The following VAV2 variants were observed in gnomAD, a reference collection of about 807,000 sequenced individuals.
VAV2 encodes the protein vav guanine nucleotide exchange factor 2, also known as guanine nucleotide exchange factor VAV2.
Under a neutral mutation model 132.5 loss-of-function variants are expected in VAV2, and 67 were observed. The observed-to-expected ratio is 0.51, with a 90% CI of 0.42 to 0.62. The LOEUF (loss-of-function observed/expected upper bound fraction) is 0.62. Ranked by LOEUF, VAV2 falls within the 20% of genes least tolerant of loss-of-function variation. The pLI, the probability that VAV2 is intolerant of heterozygous loss-of-function variation, is 0.00. For missense variants in VAV2, 938 were observed against 1,153.6 expected, an observed-to-expected ratio of 0.81 and a Z score of 2.71; for synonymous variants, 492 against 443.5, an observed-to-expected ratio of 1.11 and a Z score of -1.37.
At position 133,969,129 on chromosome 9, in the gene VAV2, T is replaced by C. The variant is rs1424681837; in HGVS notation, c.204+22946A>G. 6.7e-6 allele frequency among the ~76,000 whole-genome samples: 1 copy of C among 148,450 alleles called. No individual in the cohort carries two copies. Among genetic ancestry groups the C allele is most frequent in the Non-Finnish European group, 1.5e-5 (1 of 67,688 alleles). On this transcript the variant is annotated intron_variant, in intron 1 of 29. Coordinates refer to ENST00000371850, the MANE Select transcript of VAV2 (RefSeq NM_001134398.2). The surrounding 1 kb of genome is among the most constrained non-coding windows in gnomAD (Gnocchi z 5.1). ...AATCCCACATGCCGGGATTCACACT[T>C]CCCCCGAGAGCTGGATTCCACCGTG... is the stretch of plus-strand genomic sequence containing the variant.
intron 3 of VAV2, among the ~76,000 whole-genome samples, chr9:133,853,321 G>A (rs1185804836): frequency 6.6e-6 from 1 of 152,116 alleles, no homozygotes; most frequent in African/African-American, 2.4e-5. Context: ...GAGGGTCCTC[G>A]GCCAAGAGAG....
Position 133,883,552 on chromosome 9 carries a change from A to C in VAV2, c.322-22120T>G, listed in dbSNP as rs995101867. Reference sequence around the variant, plus strand: ...CAAGTCATCCCCAGCCACGGCAGGCAGACAGCCCAGCAGAGACTCCCAAGT... The same window carrying C: ...CAAGTCATCCCCAGCCACGGCAGGCCGACAGCCCAGCAGAGACTCCCAAGT... On this transcript the variant is annotated intron_variant, in intron 2 of 29. Coordinates refer to ENST00000371850, the MANE Select transcript of VAV2 (RefSeq NM_001134398.2). This position sits in a 1 kb window ranked among gnomAD's most constrained non-coding sequence, Gnocchi z 4.2. Among the ~76,000 whole-genome samples the C allele has an allele frequency of 6.6e-6, 1 of 152,194 alleles. No individual in the cohort carries two copies. The highest frequency in any genetic ancestry group is 6.5e-5 in the Admixed American group (1 of 15,282).
At chr9:133,839,067 A>G (rs76593387) in intron 3 of VAV2, among the ~76,000 whole-genome samples, 16,127 of 145,880 alleles carry the variant, frequency 0.11, 2,239 homozygotes, top group African/African-American at 0.34. Context: ...TGGATGGGCG[A>G]GTGGTTGGAT....
rs1840474013 is a variant in VAV2, at chr9:133,926,141, A to T, written c.321+12962T>A. 6.6e-6 allele frequency: 1 copy of T among 152,262 alleles called. No individual in the cohort carries two copies. The highest frequency in any genetic ancestry group is 2.1e-4 in the South Asian group (1 of 4,832). 9.4% of individuals were successfully genotyped at this position (152,262 alleles called of 1,614,324 possible). On this transcript the variant is annotated intron_variant, in intron 2 of 29. Coordinates refer to ENST00000371850, the MANE Select transcript of VAV2 (RefSeq NM_001134398.2). This position sits in a 1 kb window ranked among gnomAD's most constrained non-coding sequence, Gnocchi z 4.3. ...GACCCACCCAAGAGGTCATCCAGCC[A>T]GTCCAACCAAATGGATTGATTCCCA...
At chr9:133,887,715 A>C (rs1199344393) in intron 2 of VAV2, among the ~76,000 whole-genome samples, 1 of 152,082 alleles carries the variant, frequency 6.6e-6, no homozygotes, top group Non-Finnish European at 1.5e-5. Context: ...GCCAGGACAC[A>C]GACCAGAGGG....
chr9:133,943,963 G>A lies in VAV2; in HGVS notation c.205-4744C>T, dbSNP rs185624939. Among the ~76,000 whole-genome samples the A allele has an allele frequency of 4.1e-3, 631 of 152,324 alleles. 6 individuals are homozygous for A. Among genetic ancestry groups the A allele is most frequent in the African/African-American group, 0.014 (600 of 41,562 alleles). On this transcript the variant is annotated intron_variant, in intron 1 of 29. Coordinates refer to ENST00000371850, the MANE Select transcript of VAV2 (RefSeq NM_001134398.2). ...CACTGTCCTTCAGCTCTTGCAAGGC[G>A]CCAGGGCGGGGTGTCACAGACAGGA...
In VAV2 at chr9:133,809,048, T is replaced by C. The variant is rs573725166; in HGVS notation, c.658A>G (p.Ile220Val). ...EAKYYRTLED[I>V]EKNYMSPLRL... The stretch of plus-strand genomic sequence containing the variant: ...CCGCCATCTGCCCTCACCTTCTCAA[T>C]GTCCTCCAGGGTGCGGTAGTACTTG... The change falls in exon 7 of 30, where the codon ATT becomes GTT. Residue 220 changes from isoleucine (I) to valine (V), a missense_variant. By Grantham distance (29) the Ile-to-Val change is conservative. Coordinates refer to ENST00000371850, the MANE Select transcript of VAV2 (RefSeq NM_001134398.2). The C allele has an allele frequency of 1.9e-6, 3 of 1,613,636 alleles. No homozygotes were observed. The East Asian group carries it at 6.7e-5, about 36-fold the overall frequency.
At chr9:133,955,316 C>T (rs1160748734) in intron 1 of VAV2, among the ~76,000 whole-genome samples, 3 of 151,884 alleles carry the variant, frequency 2.0e-5, no homozygotes, top group Non-Finnish European at 4.4e-5. Context: ...ATACCCGATG[C>T]CAAGGCGAGG....
chr9:133,835,477 G>A (rs1836434454), intron 3 of VAV2, among the ~76,000 whole-genome samples: 1 of 152,190 alleles, frequency 6.6e-6, no homozygotes, highest in South Asian at 2.1e-4. Context: ...GCTGCAGCTG[G>A]CTCAACGCTA....
chr9:133,848,267 G>A (rs1357384987), intron 3 of VAV2, among the ~76,000 whole-genome samples: 16 of 99,346 alleles, frequency 1.6e-4, no homozygotes, highest in African/African-American at 5.0e-4. Context: ...GCGACTGAGT[G>A]AGACTCCGTC....
At chr9:133,796,056 G>A (rs984564467) in intron 11 of VAV2, among the ~76,000 whole-genome samples, 5 of 152,176 alleles carry the variant, frequency 3.3e-5, no homozygotes, top group African/African-American at 7.2e-5. Context: ...GCAAGGTGCC[G>A]GGCAGAAACC....
At chr9:133,890,275 C>T (rs182774365) in intron 2 of VAV2, among the ~76,000 whole-genome samples, 2 of 141,716 alleles carry the variant, frequency 1.4e-5, no homozygotes, top group East Asian at 2.1e-4. Context: ...GGCTCCACCG[C>T]GACCACACGG....
At chr9:133,805,947 A>G (rs1429324874) in intron 9 of VAV2, 134 bp downstream of exon 9, 1 of 935,748 alleles carries the variant, frequency 1.1e-6, no homozygotes, top group Non-Finnish European at 1.6e-6. Flanking sequence ...TCAACAAGGG[A>G]GGACGGGGTC....
At position 133,957,912 on chromosome 9, in the gene VAV2, C is replaced by T. The variant is rs484440; in HGVS notation, c.205-18693G>A. Among the ~76,000 whole-genome samples, 10 of 148,710 alleles carry T rather than the reference C, an allele frequency of 6.7e-5. No individual in the cohort carries two copies. The South Asian group carries it at 2.2e-3, about 33-fold the overall frequency. Reference sequence around the variant, plus strand: ...GATTCTGTGACCTTACCCCCAACCCCGTGCTCTCTGAAACATGTGCTGTGT... The same window carrying T: ...GATTCTGTGACCTTACCCCCAACCCTGTGCTCTCTGAAACATGTGCTGTGT... On this transcript the variant is annotated intron_variant, in intron 1 of 29. Transcript: ENST00000371850.
At chr9:133,839,002 A>AGATG (rs1471750266) in intron 3 of VAV2, among the ~76,000 whole-genome samples, 1 of 111,250 alleles carries the variant, frequency 9.0e-6, no homozygotes, top group Non-Finnish European at 1.9e-5. Context: ...ATGGGTGGGT[A>AGATG]GATGGATGGA....
At chr9:133,934,793 C>T (rs2789845) in intron 2 of VAV2, among the ~76,000 whole-genome samples, 122,377 of 152,120 alleles carry the variant, frequency 0.8, 50,851 homozygotes, top group East Asian at 0.93. Flanking sequence ...TCCACCTCCA[C>T]AGTCGCGAGA....
At chr9:133,787,980 G>A (rs1157948110) in intron 15 of VAV2, among the ~76,000 whole-genome samples, 2 of 152,238 alleles carry the variant, frequency 1.3e-5, no homozygotes, top group African/African-American at 2.4e-5. Flanking sequence ...CTTGCTACAA[G>A]GGACAACATG....
Position 133,840,699 on chromosome 9 carries a change from C to G in VAV2, c.381-6359G>C, listed in dbSNP as rs904747318. Among the ~76,000 whole-genome samples the G allele has an allele frequency of 6.6e-6, 1 of 152,244 alleles. No homozygotes were observed. Among genetic ancestry groups the G allele is most frequent in the Non-Finnish European group, 1.5e-5 (1 of 68,046 alleles). On this transcript the variant is annotated intron_variant, in intron 3 of 29. Coordinates refer to ENST00000371850, the MANE Select transcript of VAV2 (RefSeq NM_001134398.2). This position sits in a 1 kb window ranked among gnomAD's most constrained non-coding sequence, Gnocchi z 4.5. The stretch of plus-strand genomic sequence containing the variant: ...GGAATTACGGGGCACCTGCGTGGGG[C>G]TGGCATGGGCGGCCATTTGTCACTG...
intron 2 of VAV2, among the ~76,000 whole-genome samples, chr9:133,920,618 C>A (rs1267010221): frequency 6.6e-6 from 1 of 152,130 alleles, no homozygotes; most frequent in African/African-American, 2.4e-5. Context: ...TCCCTCTGAG[C>A]GCCCCACAGA....
Sources: allele counts gnomAD v4.1 joint callset (sites outside exome capture counted in the v4.1 genomes callset), GRCh38; gene constraint gnomAD v4.1.1; non-coding constraint Gnocchi (gnomAD v3.1); transcripts MANE v1.5; gene names NCBI Gene and HGNC (gene_info 2026-07-23, HGNC 2026-07-21).